Variants in CIMIP2A observed in about 807,000 individuals in gnomAD.
CIMIP2A encodes family with sequence similarity 166 member A.
chr9:137,247,567 C>T, the CIMIP2A span: 4 of 1,179,894 alleles, frequency 3.4e-6, no homozygotes, highest in East Asian at 9.8e-5. Flanking sequence ...CAGCTCTGGG[C>T]CCCTCACAGC....
At chr9:137,249,409 A>G in the CIMIP2A span, among the ~76,000 whole-genome samples, 2 of 152,204 alleles carry the variant, frequency 1.3e-5, no homozygotes, top group Non-Finnish European at 2.9e-5. Flanking sequence ...GCATTCTGGT[A>G]GACGCTGGTT....
chr9:137,247,806 GA>G, the CIMIP2A span: 2 of 1,312,488 alleles, frequency 1.5e-6, no homozygotes, highest in South Asian at 2.5e-5. Flanking sequence ...CAACCATTGT[GA>G]GGGGCCAGCA....
chr9:137,251,088 G>T, the CIMIP2A span: 23 of 589,648 alleles, frequency 3.9e-5, 1 homozygote, highest in Non-Finnish European at 7.0e-5. Context: ...AGTCACCGGG[G>T]CAGGCTGGGG....
chr9:137,247,589 C>A, the CIMIP2A span: 1 of 1,446,640 alleles, frequency 6.9e-7, no homozygotes, highest in Non-Finnish European at 9.6e-7. Flanking sequence ...GGCCTCCATG[C>A]CTCAGGCCCC....
At chr9:137,251,728 T>TCCCTTGCAGG in the CIMIP2A span, 1 of 1,557,482 alleles carries the variant, frequency 6.4e-7, no homozygotes, top group East Asian at 2.4e-5. Context: ...GCTGCTGGTC[T>TCCCTTGCAGG]CCCTTGCAGG....
At chr9:137,245,178 C>T in the CIMIP2A span, 24 of 1,563,048 alleles carry the variant, frequency 1.5e-5, no homozygotes, top group Admixed American at 1.5e-4. Context: ...CTGCTGGCGG[C>T]GGGCGGGGGG....
At chr9:137,244,737 C>T in the CIMIP2A span, 1 of 1,612,672 alleles carries the variant, frequency 6.2e-7, no homozygotes, top group East Asian at 2.2e-5. Context: ...CCAGCATAGC[C>T]TGGGGGTAGG....
the CIMIP2A span, chr9:137,252,312 C>T: frequency 2.3e-6 from 3 of 1,304,638 alleles, no homozygotes; most frequent in South Asian, 2.7e-5. Flanking sequence ...AGGGCTGGGG[C>T]ATGGGTGGAC....
the CIMIP2A span, chr9:137,247,775 G>C: frequency 5.8e-6 from 9 of 1,545,808 alleles, no homozygotes; most frequent in Non-Finnish European, 8.0e-6. Flanking sequence ...TCCCTTCCCT[G>C]AGGGGAGTCC....
the CIMIP2A span, chr9:137,252,228 G>A: frequency 6.6e-7 from 1 of 1,509,612 alleles, no homozygotes; most frequent in Non-Finnish European, 8.9e-7. Context: ...CCCACGGCCT[G>A]AGGGCCCCTC....
chr9:137,245,880 G>T, the CIMIP2A span: 1 of 1,481,148 alleles, frequency 6.8e-7, no homozygotes, highest in Admixed American at 2.4e-5. Context: ...AGAAGGCAGG[G>T]CAGGTCTCAA....
chr9:137,244,490 G>A, the CIMIP2A span: 6 of 1,494,608 alleles, frequency 4.0e-6, no homozygotes, highest in East Asian at 2.5e-5. Context: ...GGGTTGGGGC[G>A]GCACCTCCGG....
At chr9:137,251,391 C>T in the CIMIP2A span, 1 of 1,609,730 alleles carries the variant, frequency 6.2e-7, no homozygotes, top group South Asian at 1.1e-5. Context: ...AACCAGAGCC[C>T]ACCCAGTAAC....
chr9:137,245,983 C>T, the CIMIP2A span: 3 of 635,420 alleles, frequency 4.7e-6, no homozygotes, highest in Non-Finnish European at 7.5e-6. Flanking sequence ...GGCAGCTCGC[C>T]TGCCCTCTGC....
chr9:137,249,892 C>T, the CIMIP2A span, among the ~76,000 whole-genome samples: 7 of 152,332 alleles, frequency 4.6e-5, no homozygotes, highest in African/African-American at 9.6e-5. Context: ...AACCCAAAGA[C>T]GGTGTCACAG....
At chr9:137,252,196 C>A in the CIMIP2A span, 3 of 1,562,180 alleles carry the variant, frequency 1.9e-6, no homozygotes, top group Non-Finnish European at 1.7e-6. Flanking sequence ...GGAATGGGGG[C>A]CTTTGCCTCT....
chr9:137,244,536 G>A, the CIMIP2A span: 45 of 1,535,272 alleles, frequency 2.9e-5, no homozygotes, highest in Non-Finnish European at 4.0e-5. Context: ...CCCTCCTCAG[G>A]CTTCTCAGGG....
chr9:137,254,470 GGAAA>G, the CIMIP2A span, among the ~76,000 whole-genome samples: 3 of 152,252 alleles, frequency 2.0e-5, no homozygotes, highest in African/African-American at 7.2e-5. Context: ...GGGAGCGGCA[GGAAA>G]GATGGAGCGA....
chr9:137,245,570 G>A, the CIMIP2A span: 18 of 1,613,728 alleles, frequency 1.1e-5, 1 homozygote, highest in Non-Finnish European at 1.5e-5. Context: ...GTACCAACAG[G>A]GCAGCCTGTG....
Sources: allele counts gnomAD v4.1 joint callset (sites outside exome capture counted in the v4.1 genomes callset), GRCh38; gene constraint gnomAD v4.1.1; transcripts MANE v1.5; gene names NCBI Gene and HGNC (gene_info 2026-07-23, HGNC 2026-07-21).